Variants in RIMS1 observed in about 807,000 individuals in gnomAD.
RIMS1 encodes regulating synaptic membrane exocytosis protein 1.
Under a neutral mutation model 214.1 loss-of-function variants are expected in RIMS1, and 83 were observed. That is an observed-to-expected ratio of 0.39 (90% confidence interval 0.32 to 0.47). The LOEUF (loss-of-function observed/expected upper bound fraction) is 0.47. RIMS1 is among the 20% of genes least tolerant of loss of function. The probability of loss-of-function intolerance (pLI) is 0.99; values close to 1 mark genes in which losing one functional copy is unlikely to be tolerated. For synonymous variants in RIMS1, 793 were observed against 786.8 expected (o/e 1.01, Z -0.13); for missense variants, 2,050 against 2,161.8 (o/e 0.95, Z 1.03).
intron 2 of RIMS1, among the ~76,000 whole-genome samples, chr6:72,009,836 A>G (rs1269050316): frequency 6.6e-6 from 1 of 152,194 alleles, no homozygotes; most frequent in Non-Finnish European, 1.5e-5. Flanking sequence ...AATAATTAAT[A>G]GCTTCCCAAC....
chr6:72,149,610 G>T (rs1261886244), intron 4 of RIMS1, among the ~76,000 whole-genome samples: 1 of 152,158 alleles, frequency 6.6e-6, no homozygotes, highest in Admixed American at 6.5e-5. Context: ...CTAATTGGAG[G>T]TACAGTGCTT....
At chr6:72,266,429 C>G (rs1440093447) in intron 22 of RIMS1, 1 of 281,130 alleles carries the variant, frequency 3.6e-6, no homozygotes, top group African/African-American at 2.2e-5. Context: ...CCTCTTAGTA[C>G]CACTGATAAA....
At position 71,938,027 on chromosome 6, in the gene RIMS1, A is replaced by G. The variant is rs150014992; in HGVS notation, c.165-30956A>G. Among the ~76,000 whole-genome samples, 7 of 152,316 alleles carry G rather than the reference A, an allele frequency of 4.6e-5. No homozygotes were observed. The East Asian group carries it at 1.4e-3, about 29-fold the overall frequency. On this transcript the variant is annotated intron_variant, in intron 1 of 33. Coordinates refer to ENST00000521978, the MANE Select transcript of RIMS1 (RefSeq NM_014989.7). The stretch of plus-strand genomic sequence containing the variant: ...AGCTGTGAAATCAGACATGTTGTCT[A>G]CTTCCAAAATACAATGGTGAGACAG...
At chr6:71,988,484 A>G (rs1800676456) in intron 2 of RIMS1, among the ~76,000 whole-genome samples, 1 of 152,168 alleles carries the variant, frequency 6.6e-6, no homozygotes, top group African/African-American at 2.4e-5. Flanking sequence ...TAGTAATCCC[A>G]TTTCTGGGAA....
At chr6:72,392,563 G>T in intron 30 of RIMS1, 135 bp from the exon 31 acceptor site, 3 of 723,090 alleles carry the variant, frequency 4.1e-6, no homozygotes, top group South Asian at 1.6e-5. Flanking sequence ...GCAATGCAAA[G>T]AATCAATTAA....
chr6:72,384,819 G>A (rs1245463669), intron 29 of RIMS1, among the ~76,000 whole-genome samples: 1 of 151,996 alleles, frequency 6.6e-6, no homozygotes, highest in Non-Finnish European at 1.5e-5. Context: ...TCTTATTACT[G>A]TTGTATCTGA....
intron 29 of RIMS1, among the ~76,000 whole-genome samples, chr6:72,356,260 A>G (rs1564459212): frequency 1.3e-5 from 2 of 152,000 alleles, no homozygotes; most frequent in Middle Eastern, 3.4e-3. Context: ...TTGAAATTCT[A>G]TGGCTTGCTT....
At chr6:71,978,659 G>T (rs879342317) in intron 2 of RIMS1, among the ~76,000 whole-genome samples, 3 of 151,994 alleles carry the variant, frequency 2.0e-5, no homozygotes, top group Non-Finnish European at 4.4e-5. Context: ...TCTGAGACAG[G>T]CCTTCTCTGT....
chr6:72,047,605 C>T (rs576739859), intron 2 of RIMS1, among the ~76,000 whole-genome samples: 16 of 151,838 alleles, frequency 1.1e-4, no homozygotes, highest in Admixed American at 2.6e-4. Flanking sequence ...ATAAACTGTG[C>T]GGGCTAGTTT....
intron 4 of RIMS1, among the ~76,000 whole-genome samples, chr6:72,148,139 C>A (rs2042995619): frequency 6.6e-6 from 1 of 152,088 alleles, no homozygotes; most frequent in South Asian, 2.1e-4. Context: ...AAGCTTTTTC[C>A]AGTTTGGGGG....
intron 2 of RIMS1, among the ~76,000 whole-genome samples, chr6:72,068,114 C>G (rs1293511582): frequency 6.6e-6 from 1 of 152,042 alleles, no homozygotes; most frequent in Non-Finnish European, 1.5e-5. Context: ...CTTTTTCATG[C>G]CTGGAAGAAG....
At chr6:72,371,093 CAATG>C (rs1229494506) in intron 29 of RIMS1, among the ~76,000 whole-genome samples, 1 of 152,068 alleles carries the variant, frequency 6.6e-6, no homozygotes, top group African/African-American at 2.4e-5. Flanking sequence ...GCATTTATAA[CAATG>C]AAAGCTATTC....
intron 2 of RIMS1, among the ~76,000 whole-genome samples, chr6:72,088,236 T>C (rs1835200547): frequency 2.7e-5 from 4 of 149,034 alleles, no homozygotes; most frequent in Admixed American, 2.7e-4. Context: ...TTTATTTATT[T>C]ATTTATTTAT....
intron 6 of RIMS1, among the ~76,000 whole-genome samples, chr6:72,228,308 T>C (rs2060898637): frequency 6.6e-6 from 1 of 151,900 alleles, no homozygotes; most frequent in Non-Finnish European, 1.5e-5. Flanking sequence ...TACCTCCCCG[T>C]TTCCCCTGTT....
chr6:72,395,626 G>T (rs943677477), intron 31 of RIMS1, among the ~76,000 whole-genome samples: 1 of 151,948 alleles, frequency 6.6e-6, no homozygotes, highest in African/African-American at 2.4e-5. Flanking sequence ...TGGAAAATAT[G>T]AATAAGAAGT....
intron 1 of RIMS1, among the ~76,000 whole-genome samples, chr6:71,927,572 T>G (rs1781904288): frequency 6.6e-6 from 1 of 152,154 alleles, no homozygotes; most frequent in Non-Finnish European, 1.5e-5. Context: ...TGAACTTGAC[T>G]GTGTGAAAAT....
chr6:71,898,433 A>G (rs921409635), intron 1 of RIMS1, among the ~76,000 whole-genome samples: 3 of 152,092 alleles, frequency 2.0e-5, no homozygotes, highest in Non-Finnish European at 4.4e-5. Context: ...TCATTGCCCA[A>G]CTCTGTAACC....
intron 6 of RIMS1, among the ~76,000 whole-genome samples, chr6:72,208,979 G>C (rs909961050): frequency 6.6e-6 from 1 of 152,074 alleles, no homozygotes. Context: ...CTGTAGCTTA[G>C]AAGACATCAC....
chr6:72,190,174 G>T (rs190786192), intron 6 of RIMS1, among the ~76,000 whole-genome samples: 1 of 152,106 alleles, frequency 6.6e-6, no homozygotes, highest in Admixed American at 6.6e-5. Context: ...TAGAAAGGGG[G>T]TGTAGTAGGC....
Sources: allele counts gnomAD v4.1 joint callset (sites outside exome capture counted in the v4.1 genomes callset), GRCh38; gene constraint gnomAD v4.1.1; transcripts MANE v1.5; gene names NCBI Gene and HGNC (gene_info 2026-07-23, HGNC 2026-07-21).